ARHGEF18: variants seen among roughly 807,000 people sequenced by gnomAD.
The protein encoded by ARHGEF18 is rho guanine nucleotide exchange factor 18.
Under a neutral mutation model 155.7 loss-of-function variants are expected in ARHGEF18, and 93 were observed. The observed-to-expected ratio is 0.60, with a 90% CI of 0.50 to 0.71. The LOEUF (loss-of-function observed/expected upper bound fraction) is 0.71. ARHGEF18 is among the 30% of genes least tolerant of loss of function. The probability of loss-of-function intolerance (pLI) is 0.00; values close to 1 mark genes in which losing one functional copy is unlikely to be tolerated. For missense variants in ARHGEF18, 1,593 were observed against 1,816.1 expected, an observed-to-expected ratio of 0.88 and a Z score of 2.23; for synonymous variants, 742 against 753.1, an observed-to-expected ratio of 0.99 and a Z score of 0.24.
intron 1 of ARHGEF18, among the ~76,000 whole-genome samples, chr19:7,360,078 C>T (rs1969482999): frequency 6.6e-6 from 1 of 151,952 alleles, no homozygotes; most frequent in African/African-American, 2.4e-5. Flanking sequence ...TCGCTTGTAC[C>T]CAGGAGGTGG....
intron 10 of ARHGEF18, among the ~76,000 whole-genome samples, chr19:7,435,690 A>G (rs1974216049): frequency 6.6e-6 from 1 of 152,196 alleles, no homozygotes; most frequent in South Asian, 2.1e-4. Context: ...CCAAGATGTC[A>G]GAGCATCACA....
downstream of ARHGEF18, among the ~76,000 whole-genome samples, chr19:7,473,807 T>C (rs1438946160): frequency 1.0e-4 from 5 of 48,022 alleles, no homozygotes; most frequent in African/African-American, 5.1e-4. Flanking sequence ...AGACTCCGTC[T>C]CAAAAAAAAA....
At chr19:7,399,869 C>G (rs1291868330) in intron 10 of ARHGEF18, among the ~76,000 whole-genome samples, 1 of 151,274 alleles carries the variant, frequency 6.6e-6, no homozygotes. Flanking sequence ...ACCTCCTAGG[C>G]TCAAGCAATC....
rs568740656 is a variant in ARHGEF18, at chr19:7,467,525, C to G, written c.3321C>G (p.Ala1107=). Reference sequence around the variant, plus strand: ...GCGAGCGGCTGGAGCAGGAGCGGGCCGAGCTGGAGCGCCAGCGCCAGGCCT... The same window carrying G: ...GCGAGCGGCTGGAGCAGGAGCGGGCGGAGCTGGAGCGCCAGCGCCAGGCCT... The part of the protein sequence containing the change: ...QLRERLEQER[A]ELERQRQAYQ... The change falls in exon 26 of 29, where the codon GCC becomes GCG. Residue 1107 remains alanine, a synonymous_variant. Coordinates refer to ENST00000668164, the MANE Select transcript of ARHGEF18 (RefSeq NM_001367823.1). 6.1e-4 allele frequency: 870 copies of G among 1,437,602 alleles called. 5 individuals are homozygous for G. In the African/African-American group the frequency reaches 0.011, roughly 17 times the overall value. The allele number at this position is 1,437,602 out of a possible 1,614,324, so 89.1% of individuals were successfully genotyped here.
chr19:7,416,365 G>A (rs115146837), intron 10 of ARHGEF18, among the ~76,000 whole-genome samples: 9,034 of 152,024 alleles, frequency 0.059, 668 homozygotes, highest in East Asian at 0.2. Context: ...AGTGAGCTAC[G>A]ATCACGCCAC....
chr19:7,437,680 G>A (rs953929667), intron 10 of ARHGEF18, among the ~76,000 whole-genome samples: 2 of 147,536 alleles, frequency 1.4e-5, no homozygotes, highest in Non-Finnish European at 3.0e-5. Flanking sequence ...GTCTCACTTT[G>A]TTGTTCAGGC....
chr19:7,454,996 G>T (rs1209580277), intron 17 of ARHGEF18, among the ~76,000 whole-genome samples: 1 of 152,178 alleles, frequency 6.6e-6, no homozygotes, highest in East Asian at 1.9e-4. Flanking sequence ...CCATGTTGCA[G>T]TTCAGACCAG....
chr19:7,459,212 ATTTTGTTTTG>A (rs572659018), intron 19 of ARHGEF18, among the ~76,000 whole-genome samples: 2 of 148,658 alleles, frequency 1.3e-5, no homozygotes. Context: ...CGCCCAGCCT[ATTTTGTTTTG>A]TTTTGTTTTG....
At position 7,444,559 on chromosome 19, in the gene ARHGEF18, G is replaced by A; in HGVS notation, c.1611+105G>A. ...AGGGTCTTGCCGTGTCGCCCAGGCT[G>A]GAGTGCAGTGGTGCAGTCACAGCTC... On this transcript the variant is annotated intron_variant, in intron 14 of 28. Coordinates refer to ENST00000668164, the MANE Select transcript of ARHGEF18 (RefSeq NM_001367823.1). This position sits in a 1 kb window ranked among gnomAD's most constrained non-coding sequence, Gnocchi z 4.7. The A allele has an allele frequency of 6.9e-7, 1 of 1,458,154 alleles. No homozygotes were observed. Among genetic ancestry groups the A allele is most frequent in the Non-Finnish European group, 9.1e-7 (1 of 1,093,460 alleles). 90.3% of individuals were successfully genotyped at this position (1,458,154 alleles called of 1,614,324 possible). A position where few individuals can be genotyped will look rare whatever the true frequency, so the allele number is the denominator to read the frequency against.
In ARHGEF18 at chr19:7,451,115, A is replaced by T. The variant is rs561198091; in HGVS notation, c.1738-34A>T. ...CAGGATCTTGCTGTCCGTTTCTGAG[A>T]TGTTAATACAGGATCTTGCTTTCTG... On this transcript the variant is annotated intron_variant, in intron 15 of 28. Coordinates refer to ENST00000668164, the MANE Select transcript of ARHGEF18 (RefSeq NM_001367823.1). The T allele has an allele frequency of 7.0e-6, 11 of 1,568,856 alleles. No homozygotes were observed. The East Asian group carries it at 2.1e-4, about 29-fold the overall frequency.
chr19:7,463,609 G>T lies in ARHGEF18; in HGVS notation c.2636-209G>T, dbSNP rs776039516. ...CACAGCCCTGTCCTCTCACTTAGAC[G>T]CAGATTGGCCTGTCCTGGTGGCCAT... On this transcript the variant is annotated intron_variant, in intron 21 of 28. Transcript: ENST00000668164. The surrounding 1 kb of genome is among the most constrained non-coding windows in gnomAD (Gnocchi z 5.2). Among the ~76,000 whole-genome samples, 5 of 152,196 alleles carry T rather than the reference G, an allele frequency of 3.3e-5. No homozygotes were observed. The highest frequency in any genetic ancestry group is 6.5e-5 in the Admixed American group (1 of 15,288).
In ARHGEF18 at chr19:7,463,738, T is replaced by C; in HGVS notation, c.2636-80T>C. On this transcript the variant is annotated intron_variant, in intron 21 of 28. Coordinates refer to ENST00000668164, the MANE Select transcript of ARHGEF18 (RefSeq NM_001367823.1). This position sits in a 1 kb window ranked among gnomAD's most constrained non-coding sequence, Gnocchi z 5.2. ...CAGTGAGTCCCTCCGTCCACCCGGG[T>C]CTCGCTGCCCCAGCGCTCCGTATTC... The C allele has an allele frequency of 3.4e-6, 5 of 1,460,428 alleles. No homozygotes were observed. Among genetic ancestry groups the C allele is most frequent in the Non-Finnish European group, 4.6e-6 (5 of 1,096,596 alleles). 90.5% of individuals were successfully genotyped at this position (1,460,428 alleles called of 1,614,324 possible). A position where few individuals can be genotyped will look rare whatever the true frequency, so the allele number is the denominator to read the frequency against.
rs1969981579 is a variant in ARHGEF18, at chr19:7,367,846, A to ATATTTTT, written c.15+4944_15+4945insTTTTTAT. ...ATATATACACATATATATATTTTAT[A>ATATTTTT]TATATATATACACATATATATTTTT... On this transcript the variant is annotated intron_variant, in intron 2 of 28. Coordinates refer to ENST00000668164, the MANE Select transcript of ARHGEF18 (RefSeq NM_001367823.1). Among the ~76,000 whole-genome samples, 3 of 56,126 alleles carry ATATTTTT rather than the reference A, an allele frequency of 5.3e-5. 1 individual carries two copies. The highest frequency in any genetic ancestry group is 1.9e-4 in the African/African-American group (3 of 15,890). The allele number at this position is 56,126 out of a possible 152,430, so 36.8% of individuals were successfully genotyped here. A position where few individuals can be genotyped will look rare whatever the true frequency, so the allele number is the denominator to read the frequency against.
intron 2 of ARHGEF18, among the ~76,000 whole-genome samples, chr19:7,369,660 T>C (rs1005990383): frequency 3.4e-5 from 5 of 146,692 alleles, no homozygotes; most frequent in South Asian, 2.2e-4. Context: ...AGCCGGGCAT[T>C]GTGGCAGGCG....
At position 7,440,162 on chromosome 19, in the gene ARHGEF18, G is replaced by T; in HGVS notation, c.968-182G>T. The stretch of plus-strand genomic sequence containing the variant: ...ACAGCGCGCTCCCCGGCCGCCCCGA[G>T]CTGTCTTTTTACGGCTCTTTCCCCA... On this transcript the variant is annotated intron_variant, in intron 10 of 28. Coordinates refer to ENST00000668164, the MANE Select transcript of ARHGEF18 (RefSeq NM_001367823.1). This position sits in a 1 kb window ranked among gnomAD's most constrained non-coding sequence, Gnocchi z 5.4. 4 of 1,551,432 alleles carry T rather than the reference G, an allele frequency of 2.6e-6. No individual in the cohort carries two copies. Among genetic ancestry groups the T allele is most frequent in the Non-Finnish European group, 3.5e-6 (4 of 1,146,948 alleles).
the ARHGEF18 span, chr19:7,478,248 G>A: frequency 2.6e-5 from 40 of 1,539,784 alleles, no homozygotes; most frequent in Middle Eastern, 4.5e-4. Flanking sequence ...AGGGGTGGCT[G>A]CGAGCCGGGA....
At chr19:7,381,197 G>A (rs1417728818) in intron 8 of ARHGEF18, among the ~76,000 whole-genome samples, 3 of 152,114 alleles carry the variant, frequency 2.0e-5, no homozygotes, top group Admixed American at 1.3e-4. Context: ...AGGAGGTGAC[G>A]ATGTAAGCAG....
chr19:7,449,184 A>C (rs1349810209), intron 15 of ARHGEF18, among the ~76,000 whole-genome samples: 1 of 152,030 alleles, frequency 6.6e-6, no homozygotes, highest in Non-Finnish European at 1.5e-5. Flanking sequence ...TCAAATGCAT[A>C]CAAGAGCAGC....
chr19:7,410,640 T>C (rs1450285473), intron 10 of ARHGEF18, among the ~76,000 whole-genome samples: 4 of 151,384 alleles, frequency 2.6e-5, no homozygotes, highest in Non-Finnish European at 5.9e-5. Context: ...TAAAACCCCA[T>C]CTCTACTAAA....
Sources: allele counts gnomAD v4.1 joint callset (sites outside exome capture counted in the v4.1 genomes callset), GRCh38; gene constraint gnomAD v4.1.1; non-coding constraint Gnocchi (gnomAD v3.1); transcripts MANE v1.5; gene names NCBI Gene and HGNC (gene_info 2026-07-23, HGNC 2026-07-21).